Variants in ANKRD11 observed in about 807,000 individuals in gnomAD.
ANKRD11 encodes ankyrin repeat domain-containing protein 11.
In ANKRD11, 17 loss-of-function variants were observed where a neutral mutation model predicts 195.7. The observed-to-expected ratio is 0.09, with a 90% CI of 0.06 to 0.13. The LOEUF (loss-of-function observed/expected upper bound fraction) is 0.13, where lower values mean the gene tolerates loss of function less well. Among genes scored for constraint, ANKRD11 ranks in the 10% least tolerant of loss-of-function variants. The pLI, the probability that ANKRD11 is intolerant of heterozygous loss-of-function variation, is 1.00. For missense variants in ANKRD11, 3,735 were observed against 3,566.1 expected, an observed-to-expected ratio of 1.05 and a Z score of -1.21; for synonymous variants, 1,953 against 1,528.1, an observed-to-expected ratio of 1.28 and a Z score of -6.49.
At chr16:89,450,033 C>G (rs147804357) in intron 1 of ANKRD11, among the ~76,000 whole-genome samples, 2,597 of 152,298 alleles carry the variant, frequency 0.017, 39 homozygotes, top group Middle Eastern at 0.054. Context: ...AAAAGGCATT[C>G]TTTCCCCTCA....
chr16:89,324,816 C>T (rs935038806), intron 2 of ANKRD11: 21 of 283,016 alleles, frequency 7.4e-5, no homozygotes, highest in South Asian at 6.3e-5. Flanking sequence ...TTTGGGGACT[C>T]GGACTGGCTT....
chr16:89,489,432 C>A (rs967059601), intron 1 of ANKRD11, among the ~76,000 whole-genome samples: 1 of 131,412 alleles, frequency 7.6e-6, no homozygotes, highest in Non-Finnish European at 1.6e-5. Flanking sequence ...CCCCCTAACA[C>A]CCCCCACACG....
chr16:89,277,234 G>A (rs900704210), intron 9 of ANKRD11, among the ~76,000 whole-genome samples: 10 of 152,152 alleles, frequency 6.6e-5, no homozygotes, highest in African/African-American at 1.9e-4. Flanking sequence ...TGGGACTGAT[G>A]CGAGCTCAAG....
intron 4 of ANKRD11, chr16:89,297,962 G>A (rs1199248871): frequency 6.6e-6 from 1 of 151,948 alleles, no homozygotes; most frequent in African/African-American, 2.4e-5. Context: ...GTCACACAGA[G>A]GTAAGGCTGT....
At chr16:89,374,604 C>T (rs890853761) in intron 2 of ANKRD11, among the ~76,000 whole-genome samples, 6 of 152,238 alleles carry the variant, frequency 3.9e-5, no homozygotes, top group Non-Finnish European at 1.5e-5. Context: ...AGAGCAACCT[C>T]AGGAGAGCTG....
chr16:89,409,446 G>T (rs1383061216), intron 2 of ANKRD11, among the ~76,000 whole-genome samples: 1 of 152,214 alleles, frequency 6.6e-6, no homozygotes, highest in Non-Finnish European at 1.5e-5. Context: ...GTCGTCTTGT[G>T]CACGTCACGG....
At position 89,467,397 on chromosome 16, in the gene ANKRD11, G is replaced by T. The variant is rs556120100; in HGVS notation, c.-145+22848C>A. On this transcript the variant is annotated intron_variant, in intron 1 of 12. Transcript: ENST00000301030. ...GTTGAGGCTGCAGTGAGCTGTGATG[G>T]CAACACTGCACTCCAGCCTGGACCA... Among the ~76,000 whole-genome samples, 65 of 152,314 alleles carry T rather than the reference G, an allele frequency of 4.3e-4. 1 individual carries two copies. The South Asian group carries it at 0.013, about 31-fold the overall frequency.
Position 89,283,545 on chromosome 16 carries a change from C to T in ANKRD11, c.2997G>A (p.Pro999=), listed in dbSNP as rs768109876. 2.2e-5 allele frequency: 36 copies of T among 1,612,508 alleles called. No homozygotes were observed. Among genetic ancestry groups the T allele is most frequent in the East Asian group, 4.5e-5 (2 of 44,888 alleles). ...CTCGTGCTGGGTGGTGCCGTTCCCA[C>T]GGCTCCAGGCCCTTCCCAAAGTCGC... The part of the protein sequence containing the change: ...SDGDFGKGLE[P]WERHHPAREK... Residue 999 remains proline, a synonymous_variant, in exon 9 of 13, where the codon CCG becomes CCA. Transcript: ENST00000301030. The surrounding 1 kb of genome is among the most constrained non-coding windows in gnomAD (Gnocchi z 4.3).
At chr16:89,297,593 C>T (rs1314420587) in intron 4 of ANKRD11, 6 of 152,256 alleles carry the variant, frequency 3.9e-5, no homozygotes, top group Non-Finnish European at 8.8e-5. Context: ...AGTTCCTACC[C>T]GGGCACTGAG....
At chr16:89,438,916 G>T (rs565168617) in intron 1 of ANKRD11, among the ~76,000 whole-genome samples, 26 of 152,080 alleles carry the variant, frequency 1.7e-4, no homozygotes, top group African/African-American at 6.3e-4. Context: ...GGCTGAGATG[G>T]GAGACTGCTT....
At chr16:89,411,938 G>C (rs1371763006) in intron 2 of ANKRD11, among the ~76,000 whole-genome samples, 1 of 149,450 alleles carries the variant, frequency 6.7e-6, no homozygotes, top group Non-Finnish European at 1.5e-5. Flanking sequence ...GCCTCCCAGA[G>C]TCTCCTGGCC....
chr16:89,300,861 C>T, intron 4 of ANKRD11: 1 of 702,156 alleles, frequency 1.4e-6, no homozygotes, highest in Non-Finnish European at 2.6e-6. Flanking sequence ...CCCCTTGTTC[C>T]AAAGAAACAT....
chr16:89,486,592 G>A (rs1597567201), intron 1 of ANKRD11, among the ~76,000 whole-genome samples: 1 of 152,314 alleles, frequency 6.6e-6, no homozygotes, highest in East Asian at 1.9e-4. Flanking sequence ...ATGGCACATG[G>A]CCCAACTGAG....
chr16:89,384,659 G>A (rs554935538), intron 2 of ANKRD11, among the ~76,000 whole-genome samples: 1 of 152,194 alleles, frequency 6.6e-6, no homozygotes, highest in African/African-American at 2.4e-5. Context: ...GGCTTCAAAG[G>A]AGCTGCGAAG....
chr16:89,411,629 G>A (rs1039136671), intron 2 of ANKRD11, among the ~76,000 whole-genome samples: 3 of 152,058 alleles, frequency 2.0e-5, no homozygotes, highest in African/African-American at 7.3e-5. Context: ...GCCCAGGCTG[G>A]TCTCGAACTC....
intron 4 of ANKRD11, among the ~76,000 whole-genome samples, chr16:89,292,915 G>T (rs1289718041): frequency 6.6e-6 from 1 of 152,206 alleles, no homozygotes; most frequent in Non-Finnish European, 1.5e-5. Flanking sequence ...CCCTCCCCAG[G>T]CTTGCTTCTC....
At position 89,278,975 on chromosome 16, in the gene ANKRD11, A is replaced by G. The variant is rs749435498; in HGVS notation, c.7470+97T>C. ...AGAAGGTCGAGAGAGGTCAAGGGCC[A>G]TGAGTGGGACAAGACGGGCTGGAGG... On this transcript the variant is annotated intron_variant, in intron 9 of 12. Coordinates refer to ENST00000301030, the MANE Select transcript of ANKRD11 (RefSeq NM_013275.6). The G allele has an allele frequency of 1.9e-5, 29 of 1,544,194 alleles. No homozygotes were observed. In the Admixed American group the frequency reaches 5.3e-4, roughly 28 times the overall value.
chr16:89,415,829 C>CA (rs71134220), intron 2 of ANKRD11, among the ~76,000 whole-genome samples: 1,872 of 39,622 alleles, frequency 0.047, 111 homozygotes, highest in East Asian at 0.12. Flanking sequence ...GACTCTGTCT[C>CA]AAAAAAAAAA....
At chr16:89,431,268 GCT>G (rs1194406302) in intron 1 of ANKRD11, 1 of 152,498 alleles carries the variant, frequency 6.6e-6, no homozygotes, top group East Asian at 1.9e-4. Context: ...GTCTGCATCA[GCT>G]CTGCGTTGTT....
Sources: gnomAD v4.1 joint callset for allele counts (sites outside exome capture counted in the v4.1 genomes callset) on GRCh38, gnomAD v4.1.1 for gene constraint, Gnocchi (gnomAD v3.1) non-coding constraint, MANE v1.5 for transcripts, NCBI Gene and HGNC (gene_info 2026-07-23, HGNC 2026-07-21) for gene names.